P2RY14: variants seen among roughly 807,000 people sequenced by gnomAD.
The protein encoded by P2RY14 is P2Y purinoceptor 14.
P2RY14 carries 2 observed loss-of-function variants against 0.9 expected under a neutral mutation model. That is an observed-to-expected ratio of 2.16 (90% CI 0.88 to 6.79). The LOEUF (loss-of-function observed/expected upper bound fraction) is 6.79, where lower values mean the gene tolerates loss of function less well. Among genes scored for constraint, P2RY14 ranks in the 30% most tolerant of loss-of-function variants. P2RY14 has a pLI of 0.05. For missense variants in P2RY14, 378 were observed against 400.1 expected, an observed-to-expected ratio of 0.94 and a Z score of 0.47; for synonymous variants, 158 against 147.2, an observed-to-expected ratio of 1.07 and a Z score of -0.53.
chr3:151,265,519 A>G (rs4679783), intron 1 of P2RY14, among the ~76,000 whole-genome samples: 67,630 of 151,974 alleles, frequency 0.45, 15,352 homozygotes, highest in Middle Eastern at 0.66. Flanking sequence ...GGTCACTGCC[A>G]TCATCCTCCC....
rs900744099 is a variant in P2RY14, at chr3:151,229,414, C to A, written c.-132-9772G>T. Among the ~76,000 whole-genome samples the A allele has an allele frequency of 2.6e-4, 36 of 140,542 alleles. 1 individual carries two copies. The highest frequency in any genetic ancestry group is 8.3e-4 in the African/African-American group (31 of 37,336). The allele number at this position is 140,542 out of a possible 152,430, so 92.2% of individuals were successfully genotyped here. ...CCTCGCCTCCCGGGTTCAAGCGATT[C>A]TCCTGCGTCAGCCTCCCGAGTAGCT... On this transcript the variant is annotated intron_variant, in intron 1 of 2. Coordinates refer to ENST00000309170, the MANE Select transcript of P2RY14 (RefSeq NM_014879.4).
intron 1 of P2RY14, among the ~76,000 whole-genome samples, chr3:151,256,884 A>C (rs1218174044): frequency 7.0e-6 from 1 of 143,094 alleles, no homozygotes; most frequent in East Asian, 2.0e-4. Context: ...TAAATGGGTC[A>C]TGGGGAAAAT....
intron 1 of P2RY14, among the ~76,000 whole-genome samples, chr3:151,274,292 C>T (rs1231621240): frequency 1.3e-5 from 2 of 152,172 alleles, no homozygotes; most frequent in Non-Finnish European, 2.9e-5. Context: ...CTCAGTGGTA[C>T]CAGTTATAAG....
At chr3:151,274,204 T>C (rs1442844977) in intron 1 of P2RY14, among the ~76,000 whole-genome samples, 1 of 152,212 alleles carries the variant, frequency 6.6e-6, no homozygotes, top group Non-Finnish European at 1.5e-5. Context: ...ATTAAAATAA[T>C]GTATTTAAGG....
Position 151,257,594 on chromosome 3 carries a change from A to G in P2RY14, c.-133+20693T>C, listed in dbSNP as rs111855397. Among the ~76,000 whole-genome samples the G allele has an allele frequency of 6.9e-3, 1,046 of 152,380 alleles. 8 individuals carry two copies. The highest frequency in any genetic ancestry group is 0.016 in the South Asian group (76 of 4,828). ...GTTCTGTATGCCTGGCACATAGAAG[A>G]GAAAAATAAATATTGTCTGTCATCA... On this transcript the variant is annotated intron_variant, in intron 1 of 2. Transcript: ENST00000309170.
intron 1 of P2RY14, among the ~76,000 whole-genome samples, chr3:151,231,422 C>T (rs1221096508): frequency 6.6e-6 from 1 of 152,130 alleles, no homozygotes; most frequent in Non-Finnish European, 1.5e-5. Context: ...CTGAATGATC[C>T]AACTTACCAA....
chr3:151,247,478 T>C (rs1230128286), intron 1 of P2RY14, among the ~76,000 whole-genome samples: 1 of 151,456 alleles, frequency 6.6e-6, no homozygotes, highest in East Asian at 1.9e-4. Context: ...TGGATGAAAT[T>C]GGAAATCATC....
chr3:151,269,629 C>A, intron 1 of P2RY14: 1 of 382,304 alleles, frequency 2.6e-6, no homozygotes. Context: ...CAAAGAGGCA[C>A]TGTATTATTT....
At chr3:151,256,103 T>G (rs1392102057) in intron 1 of P2RY14, among the ~76,000 whole-genome samples, 5 of 152,248 alleles carry the variant, frequency 3.3e-5, no homozygotes, top group African/African-American at 1.2e-4. Context: ...GTGTTTTTAA[T>G]GAATATTAAT....
At chr3:151,255,458 C>T (rs1057499651) in intron 1 of P2RY14, among the ~76,000 whole-genome samples, 1 of 151,142 alleles carries the variant, frequency 6.6e-6, no homozygotes, top group Non-Finnish European at 1.5e-5. Flanking sequence ...GGGGAGGGGG[C>T]TGGGGGTGCG....
At chr3:151,272,309 A>G (rs943776561) in intron 1 of P2RY14, among the ~76,000 whole-genome samples, 1 of 152,260 alleles carries the variant, frequency 6.6e-6, no homozygotes, top group Admixed American at 6.5e-5. Context: ...AGATAAAAAT[A>G]AAACAGGACA....
At chr3:151,244,833 G>GT (rs1404154297) in intron 1 of P2RY14, among the ~76,000 whole-genome samples, 1 of 152,018 alleles carries the variant, frequency 6.6e-6, no homozygotes, top group South Asian at 2.1e-4. Flanking sequence ...CCAGGAGCTG[G>GT]TTTTTTTGAA....
intron 1 of P2RY14, among the ~76,000 whole-genome samples, chr3:151,266,288 T>C (rs1739821533): frequency 6.6e-6 from 1 of 152,204 alleles, no homozygotes; most frequent in Non-Finnish European, 1.5e-5. Flanking sequence ...AACATGAACT[T>C]ATCAAAGCCA....
chr3:151,249,615 A>C (rs1736444726), intron 1 of P2RY14, among the ~76,000 whole-genome samples: 1 of 152,160 alleles, frequency 6.6e-6, no homozygotes, highest in South Asian at 2.1e-4. Flanking sequence ...GATGCATGCC[A>C]GTACCTCTTC....
In P2RY14 at chr3:151,214,395, T is replaced by G. The variant is rs1012319776; in HGVS notation, c.-24-55A>C. ...AGGGCACTTATGGCCTCCAAGACAT[T>G]TGCTGAGTAATAAGGCAAAGGGCAA... On this transcript the variant is annotated intron_variant, in intron 2 of 2. Transcript: ENST00000309170. 8 of 1,224,216 alleles carry G rather than the reference T, an allele frequency of 6.5e-6. No homozygotes were observed. In the East Asian group the frequency reaches 1.9e-4, roughly 29 times the overall value. The allele number at this position is 1,224,216 out of a possible 1,614,324, so 75.8% of individuals were successfully genotyped here. A position where few individuals can be genotyped will look rare whatever the true frequency, so the allele number is the denominator to read the frequency against.
At chr3:151,251,995 A>T (rs896336685) in intron 1 of P2RY14, among the ~76,000 whole-genome samples, 4 of 152,122 alleles carry the variant, frequency 2.6e-5, no homozygotes, top group African/African-American at 9.7e-5. Flanking sequence ...ATTATTACAT[A>T]ACTGTGTAAT....
Position 151,214,216 on chromosome 3 carries a change from A to G in P2RY14, c.101T>C (p.Ile34Thr), listed in dbSNP as rs746268852. 8 of 1,614,110 alleles carry G rather than the reference A, an allele frequency of 5.0e-6. No individual in the cohort carries two copies. The Admixed American group carries it at 6.7e-5, about 13-fold the overall frequency. Residue 34 changes from isoleucine to threonine, a missense_variant, in exon 3 of 3, where the codon ATT becomes ACT. Transcript: ENST00000309170. ...CACTCCATTGAGTAGGATTCCTGCA[A>G]TGAAGACCATACAGTACAGCACAGG... is the stretch of plus-strand genomic sequence containing the variant. ...IIPVLYCMVF[I>T]AGILLNGVSG...
In P2RY14 at chr3:151,220,120, A is replaced by G. The variant is rs183248629; in HGVS notation, c.-132-478T>C. 2.1e-4 allele frequency among the ~76,000 whole-genome samples: 31 copies of G among 147,856 alleles called. No individual in the cohort carries two copies. The East Asian group carries it at 3.1e-3, about 15-fold the overall frequency. ...TTAGCAGCAGTTCTGACTTCTGCCT[A>G]CTAGATGCCAGTAACCCACTACCCA... On this transcript the variant is annotated intron_variant, in intron 1 of 2. Coordinates refer to ENST00000309170, the MANE Select transcript of P2RY14 (RefSeq NM_014879.4).
chr3:151,219,913 T>G, intron 1 of P2RY14, among the ~76,000 whole-genome samples: 1 of 118,218 alleles, frequency 8.5e-6, no homozygotes, highest in African/African-American at 3.3e-5. Context: ...CCCTTGGATA[T>G]GGATGATCGA....
Sources: allele counts gnomAD v4.1 joint callset (sites outside exome capture counted in the v4.1 genomes callset), GRCh38; gene constraint gnomAD v4.1.1; transcripts MANE v1.5; gene names NCBI Gene and HGNC (gene_info 2026-07-23, HGNC 2026-07-21).